Variants in PTH2R observed in about 807,000 individuals in gnomAD.
PTH2R encodes PTH2 receptor.
In PTH2R, 59 loss-of-function variants were observed where a neutral mutation model predicts 60.3. The observed-to-expected ratio is 0.98, with a 90% confidence interval of 0.79 to 1.22. The LOEUF is 1.22. Ranked by LOEUF, PTH2R falls within the 50% of genes most tolerant of loss-of-function variation. PTH2R has a pLI of 0.00. For synonymous variants in PTH2R, 256 were observed against 243.8 expected, an observed-to-expected ratio of 1.05 and a Z score of -0.47; for missense variants, 749 against 682.6, an observed-to-expected ratio of 1.10 and a Z score of -1.08.
intron 1 of PTH2R, among the ~76,000 whole-genome samples, chr2:208,383,141 G>T (rs1676777650): frequency 6.6e-6 from 1 of 152,230 alleles, no homozygotes; most frequent in Admixed American, 6.5e-5. Flanking sequence ...TCATCAGTGG[G>T]AAAACTACTT....
At chr2:208,381,313 A>AT (rs1700908858) in intron 1 of PTH2R, among the ~76,000 whole-genome samples, 1 of 152,126 alleles carries the variant, frequency 6.6e-6, no homozygotes, top group African/African-American at 2.4e-5. Context: ...ATTACTTCTC[A>AT]TTTTTAACAT....
intron 11 of PTH2R, 133 bp downstream of exon 11, chr2:208,489,283 G>A: frequency 1.8e-6 from 2 of 1,120,292 alleles, no homozygotes; most frequent in Non-Finnish European, 1.3e-6. Context: ...GTGCAGAAAG[G>A]TCAATATTTC....
At chr2:208,421,642 C>T (rs944132498) in intron 1 of PTH2R, among the ~76,000 whole-genome samples, 1 of 152,060 alleles carries the variant, frequency 6.6e-6, no homozygotes, top group Non-Finnish European at 1.5e-5. Context: ...ATTGTTAAAC[C>T]TCCTTTAGAA....
chr2:208,406,953 A>G lies in PTH2R; in HGVS notation c.-91A>G. The G allele has an allele frequency of 7.0e-6, 8 of 1,147,356 alleles. No individual in the cohort carries two copies. The highest frequency in any genetic ancestry group is 9.3e-6 in the Non-Finnish European group (8 of 863,544). The allele number at this position is 1,147,356 out of a possible 1,614,324, so 71.1% of individuals were successfully genotyped here. A position where few individuals can be genotyped will look rare whatever the true frequency, so the allele number is the denominator to read the frequency against. ...CAGCTGCGCGTCGTTACTGGCCACA[A>G]GTTTGCTCTGGGCCAGCCAAGTTGG... On this transcript the variant is annotated 5_prime_UTR_variant, in exon 1 of 13. Coordinates refer to ENST00000272847, the MANE Select transcript of PTH2R (RefSeq NM_005048.4).
chr2:208,442,150 T>G (rs1702197484), intron 4 of PTH2R, among the ~76,000 whole-genome samples: 1 of 152,136 alleles, frequency 6.6e-6, no homozygotes, highest in Admixed American at 6.5e-5. Context: ...GGATAGTGGG[T>G]GTTTTTTTGA....
chr2:208,386,191 C>T (rs190120671), intron 1 of PTH2R, among the ~76,000 whole-genome samples: 40 of 152,288 alleles, frequency 2.6e-4, no homozygotes, highest in Middle Eastern at 6.8e-3. Flanking sequence ...TACTCATGTT[C>T]TTGACATCAT....
chr2:208,394,604 C>T (rs976015143), intron 1 of PTH2R, among the ~76,000 whole-genome samples: 4 of 152,128 alleles, frequency 2.6e-5, no homozygotes, highest in Non-Finnish European at 5.9e-5. Flanking sequence ...CCTTTTATTT[C>T]CTTTTGACCT....
chr2:208,386,272 G>T (rs1185342488), intron 1 of PTH2R, among the ~76,000 whole-genome samples: 1 of 152,192 alleles, frequency 6.6e-6, no homozygotes, highest in Non-Finnish European at 1.5e-5. Flanking sequence ...CTGTGTTTGT[G>T]CTGTGATGGA....
intron 9 of PTH2R, among the ~76,000 whole-genome samples, chr2:208,466,866 C>A (rs1184820875): frequency 6.6e-6 from 1 of 152,074 alleles, no homozygotes; most frequent in Non-Finnish European, 1.5e-5. Context: ...TGATTGTTTC[C>A]TTTGCTGTGC....
Position 208,369,802 on chromosome 2 carries a change from A to T in PTH2R, c.-259+9565A>T, listed in dbSNP as rs190382792. Among the ~76,000 whole-genome samples the T allele has an allele frequency of 2.7e-3, 411 of 152,238 alleles. 2 individuals carry two copies. The highest frequency in any genetic ancestry group is 3.0e-3 in the Non-Finnish European group (206 of 68,042). ...CACATTACAACTGGGGTTCTTTTAT[A>T]TATAAATTAATGCCATGTAGATGCA... On this transcript the variant is annotated intron_variant, in intron 1 of 12. Coordinates refer to the PTH2R transcript ENST00000617735.
chr2:208,445,377 A>G (rs1702268903), intron 7 of PTH2R, among the ~76,000 whole-genome samples: 1 of 152,208 alleles, frequency 6.6e-6, no homozygotes, highest in Non-Finnish European at 1.5e-5. Flanking sequence ...TGGACTTACC[A>G]TGTGTTTTAG....
intron 2 of PTH2R, among the ~76,000 whole-genome samples, chr2:208,434,316 C>G (rs1266473845): frequency 6.6e-6 from 1 of 151,868 alleles, no homozygotes; most frequent in East Asian, 1.9e-4. Context: ...AAAAAAATCT[C>G]TATTTTCTAT....
intron 2 of PTH2R, among the ~76,000 whole-genome samples, chr2:208,434,992 G>GA (rs1702046512): frequency 6.6e-6 from 1 of 152,158 alleles, no homozygotes; most frequent in Non-Finnish European, 1.5e-5. Flanking sequence ...CTTTTTCTAA[G>GA]AAAAATGTTT....
intron 7 of PTH2R, 70 bp downstream of exon 7, chr2:208,444,957 A>T: frequency 6.8e-7 from 1 of 1,461,818 alleles, no homozygotes; most frequent in Non-Finnish European, 9.3e-7. Flanking sequence ...CATGCCCATC[A>T]TTAGCATCCC....
chr2:208,479,734 A>G (rs1703102088), intron 9 of PTH2R, among the ~76,000 whole-genome samples: 1 of 152,188 alleles, frequency 6.6e-6, no homozygotes, highest in Non-Finnish European at 1.5e-5. Flanking sequence ...ATGGTGGTTA[A>G]GGATTCACAA....
At chr2:208,438,674 A>C (rs1702125645) in intron 4 of PTH2R, among the ~76,000 whole-genome samples, 1 of 152,208 alleles carries the variant, frequency 6.6e-6, no homozygotes, top group African/African-American at 2.4e-5. Context: ...GCTAAGAGTT[A>C]ATGTGATAAA....
intron 1 of PTH2R, among the ~76,000 whole-genome samples, chr2:208,423,081 A>G (rs1027579736): frequency 6.6e-6 from 1 of 150,884 alleles, no homozygotes; most frequent in African/African-American, 2.4e-5. Context: ...TTCTGTGTCA[A>G]TTTCATTGAT....
At chr2:208,382,633 C>G (rs1165315631) in intron 1 of PTH2R, among the ~76,000 whole-genome samples, 1 of 152,184 alleles carries the variant, frequency 6.6e-6, no homozygotes, top group African/African-American at 2.4e-5. Flanking sequence ...CCCTACTCCT[C>G]ACAAATAAAT....
chr2:208,375,496 G>T lies in PTH2R; in HGVS notation c.-259+15259G>T, dbSNP rs574391709. 2.0e-4 allele frequency among the ~76,000 whole-genome samples: 31 copies of T among 152,200 alleles called. 1 individual carries two copies. Among genetic ancestry groups the T allele is most frequent in the African/African-American group, 7.5e-4 (31 of 41,478 alleles). On this transcript the variant is annotated intron_variant, in intron 1 of 12. Transcript: ENST00000617735. ...CCTATCTTTACTCATTTTTGACTCT[G>T]CTAACATTTCTTTTTATAGTTGAAC...
Sources: gnomAD v4.1 joint callset for allele counts (sites outside exome capture counted in the v4.1 genomes callset) on GRCh38, gnomAD v4.1.1 for gene constraint, MANE v1.5 for transcripts, NCBI Gene and HGNC (gene_info 2026-07-23, HGNC 2026-07-21) for gene names.